CPNE5: variants seen among roughly 807,000 people sequenced by gnomAD.
The protein encoded by CPNE5 is copine-5.
In CPNE5, 42 loss-of-function variants were observed where a neutral mutation model predicts 81.1. That is an observed-to-expected ratio of 0.52 (90% CI 0.40 to 0.67). The LOEUF is 0.67. Ranked by LOEUF, CPNE5 falls within the 30% of genes least tolerant of loss-of-function variation. The pLI, the probability that CPNE5 is intolerant of heterozygous loss-of-function variation, is 0.00. For synonymous variants in CPNE5, 313 were observed against 321.5 expected (o/e 0.97, Z 0.28); for missense variants, 612 against 815.5 (o/e 0.75, Z 3.04).
intron 11 of CPNE5, among the ~76,000 whole-genome samples, chr6:36,763,481 T>G (rs1399451747): frequency 2.0e-5 from 3 of 151,676 alleles, no homozygotes; most frequent in African/African-American, 7.3e-5. Flanking sequence ...TGGACACCTA[T>G]AATCCTAGCT....
intron 3 of CPNE5, among the ~76,000 whole-genome samples, chr6:36,811,220 C>A (rs1158495704): frequency 6.6e-6 from 1 of 152,134 alleles, no homozygotes; most frequent in South Asian, 2.1e-4. Flanking sequence ...AGTCCCCACC[C>A]TAAAGGAAGC....
rs531808512 is a variant in CPNE5 at position 36,821,840 on chromosome 6, C to A, written c.183+274G>T. Among the ~76,000 whole-genome samples, 6 of 152,272 alleles carry A rather than the reference C, an allele frequency of 3.9e-5. No individual in the cohort carries two copies. In the South Asian group the frequency reaches 8.3e-4, roughly 21 times the overall value. ...GACAAGGTCTTAACGGGCACGGACT[C>A]CTTCTGCGTCTCCCTGGGACTGGGG... is the stretch of plus-strand genomic sequence containing the variant. On this transcript the variant is annotated intron_variant, in intron 3 of 20. Transcript: ENST00000244751.
At chr6:36,806,179 G>A (rs75765858) in intron 3 of CPNE5, among the ~76,000 whole-genome samples, 288 of 152,294 alleles carry the variant, frequency 1.9e-3, no homozygotes, top group African/African-American at 5.9e-3. Flanking sequence ...GGGCTGATAC[G>A]GAGGCTGGAG....
intron 3 of CPNE5, 143 bp from the exon 4 acceptor site, chr6:36,800,213 A>C (rs2150529592): frequency 1.6e-6 from 1 of 606,138 alleles, no homozygotes; most frequent in Non-Finnish European, 2.9e-6. Context: ...CCTGACATCC[A>C]TCCCCTCCCA....
At chr6:36,797,228 G>T (rs1005149647) in intron 6 of CPNE5, among the ~76,000 whole-genome samples, 1 of 152,228 alleles carries the variant, frequency 6.6e-6, no homozygotes, top group African/African-American at 2.4e-5. Context: ...ATTGATCATG[G>T]TGAGGGGACA....
intron 12 of CPNE5, among the ~76,000 whole-genome samples, chr6:36,761,076 A>G (rs1189322315): frequency 1.3e-5 from 2 of 152,218 alleles, no homozygotes; most frequent in Non-Finnish European, 2.9e-5. Flanking sequence ...TCTTAGCCCG[A>G]GAGAAACAGC....
chr6:36,767,683 C>T (rs1766682374), intron 10 of CPNE5, among the ~76,000 whole-genome samples: 1 of 152,230 alleles, frequency 6.6e-6, no homozygotes, highest in African/African-American at 2.4e-5. Flanking sequence ...AGGAGGACCC[C>T]AGTCATGGTG....
At chr6:36,813,085 T>G (rs938619802) in intron 3 of CPNE5, among the ~76,000 whole-genome samples, 1 of 152,240 alleles carries the variant, frequency 6.6e-6, no homozygotes, top group East Asian at 1.9e-4. Flanking sequence ...GGATCCCCTG[T>G]GTTCATGCCC....
chr6:36,794,802 TC>T (rs2150514980), intron 6 of CPNE5, among the ~76,000 whole-genome samples, 153 bp from the exon 7 acceptor site: 1 of 151,936 alleles, frequency 6.6e-6, no homozygotes, highest in Admixed American at 6.6e-5. Context: ...GCAAGTGGAG[TC>T]CTTCTTCTGG....
At chr6:36,775,945 C>G (rs1333587529) in intron 9 of CPNE5, among the ~76,000 whole-genome samples, 1 of 152,160 alleles carries the variant, frequency 6.6e-6, no homozygotes. Context: ...ATAGCTTTCA[C>G]TGGTATGTCA....
In CPNE5 at chr6:36,746,085, T is replaced by G; in HGVS notation, c.1200+311A>C. 2.6e-5 allele frequency: 21 copies of G among 802,136 alleles called. No individual in the cohort carries two copies. The highest frequency in any genetic ancestry group is 3.2e-5 in the Non-Finnish European group (21 of 663,018). 49.7% of individuals were successfully genotyped at this position (802,136 alleles called of 1,614,324 possible). On this transcript the variant is annotated intron_variant, in intron 16 of 20. Coordinates refer to ENST00000244751, the MANE Select transcript of CPNE5 (RefSeq NM_020939.2). This position sits in a 1 kb window ranked among gnomAD's most constrained non-coding sequence, Gnocchi z 4.5. ...TCAGGGATACCCAACCCACACCACC[T>G]TGTTCACTTTTCTGGGGCCCTGAGG... is the stretch of plus-strand genomic sequence containing the variant.
chr6:36,741,594 C>G lies in CPNE5; in HGVS notation c.*674G>C, dbSNP rs1449600721. On this transcript the variant is annotated 3_prime_UTR_variant, in exon 21 of 21. Transcript: ENST00000244751. ...CACACCAGGGAGAGGCCTCCACAGG[C>G]CATCTGTGTGTCTAGAACTTGCATC... 1 of 152,220 alleles carries G rather than the reference C, an allele frequency of 6.6e-6. No individual in the cohort carries two copies. The highest frequency in any genetic ancestry group is 2.4e-5 in the African/African-American group (1 of 41,430). 9.4% of individuals were successfully genotyped at this position (152,220 alleles called of 1,614,324 possible).
chr6:36,788,641 AATC>A (rs1314203867), intron 8 of CPNE5, among the ~76,000 whole-genome samples: 1 of 147,372 alleles, frequency 6.8e-6, no homozygotes, highest in Non-Finnish European at 1.5e-5. Context: ...AGGCAGTAAC[AATC>A]GTTTTACTGC....
intron 3 of CPNE5, among the ~76,000 whole-genome samples, chr6:36,807,426 T>TTAGAAGAATAG (rs1770694690): frequency 1.1e-4 from 16 of 152,050 alleles, no homozygotes; most frequent in Admixed American, 1.0e-3. Context: ...TTACATAATA[T>TTAGAAGAATAG]ACTTAGAAGA....
intron 14 of CPNE5, among the ~76,000 whole-genome samples, chr6:36,752,774 G>C (rs1275258621): frequency 3.3e-5 from 5 of 152,190 alleles, no homozygotes; most frequent in Non-Finnish European, 5.9e-5. Flanking sequence ...TCCAGGTCCT[G>C]TCTCTGCATG....
chr6:36,770,108 C>T (rs967137384), intron 10 of CPNE5, among the ~76,000 whole-genome samples: 2 of 152,176 alleles, frequency 1.3e-5, no homozygotes, highest in Non-Finnish European at 2.9e-5. Flanking sequence ...CCCCACTTTA[C>T]CCCACCGGAA....
rs117235195 is a variant in CPNE5 at position 36,821,848 on chromosome 6, G to A, written c.183+266C>T. 3.3e-5 allele frequency among the ~76,000 whole-genome samples: 5 copies of A among 152,254 alleles called. No homozygotes were observed. In the East Asian group the frequency reaches 7.7e-4, roughly 24 times the overall value. Reference sequence around the variant, plus strand: ...CTTAACGGGCACGGACTCCTTCTGCGTCTCCCTGGGACTGGGGCTCCCTGA... The same window carrying A: ...CTTAACGGGCACGGACTCCTTCTGCATCTCCCTGGGACTGGGGCTCCCTGA... On this transcript the variant is annotated intron_variant, in intron 3 of 20. Transcript: ENST00000244751.
At chr6:36,763,138 C>T (rs181118963) in intron 11 of CPNE5, 146 bp from the exon 12 acceptor site, 52 of 704,894 alleles carry the variant, frequency 7.4e-5, no homozygotes, top group Non-Finnish European at 1.1e-4. Flanking sequence ...AGGCTGGGTC[C>T]GTGGGAAGAG....
intron 7 of CPNE5, among the ~76,000 whole-genome samples, chr6:36,793,966 A>C (rs1383013715): frequency 2.0e-5 from 3 of 152,170 alleles, no homozygotes; most frequent in Non-Finnish European, 4.4e-5. Flanking sequence ...CCCAACCGGG[A>C]AAGAAGGGGA....
Sources: gnomAD v4.1 joint callset for allele counts (sites outside exome capture counted in the v4.1 genomes callset) on GRCh38, gnomAD v4.1.1 for gene constraint, Gnocchi (gnomAD v3.1) non-coding constraint, MANE v1.5 for transcripts, NCBI Gene and HGNC (gene_info 2026-07-23, HGNC 2026-07-21) for gene names.